Variants in ARHGAP8 observed in about 807,000 individuals in gnomAD.
The protein encoded by ARHGAP8 is Rho GTPase activating protein 8.
ARHGAP8 carries 62 observed loss-of-function variants against 46.1 expected under a neutral mutation model. The ratio of observed to expected loss-of-function variants is 1.34; its 90% confidence interval spans 1.10 to 1.66. The LOEUF is 1.66. ARHGAP8 is among the 40% of genes most tolerant of loss of function. The pLI, the probability that ARHGAP8 is intolerant of heterozygous loss-of-function variation, is 0.00. For synonymous variants in ARHGAP8, 375 were observed against 243.1 expected (o/e 1.54, Z -5.05); for missense variants, 923 against 568.4 (o/e 1.62, Z -6.34).
chr22:44,827,351 T>TTTTG (rs1930608359), intron 7 of ARHGAP8, among the ~76,000 whole-genome samples: 2 of 130,022 alleles, frequency 1.5e-5, no homozygotes, highest in South Asian at 5.5e-4. Context: ...TTTTTTTTTT[T>TTTTG]TTTTTTTTTT....
chr22:44,801,901 C>A, intron 2 of ARHGAP8, 176 bp from the exon 3 acceptor site: 1 of 633,312 alleles, frequency 1.6e-6, no homozygotes, highest in South Asian at 1.9e-5. Flanking sequence ...ACTTGGACCA[C>A]GTGCATAAAG....
At chr22:44,853,304 C>T (rs1374780816) in intron 10 of ARHGAP8, among the ~76,000 whole-genome samples, 1 of 152,188 alleles carries the variant, frequency 6.6e-6, no homozygotes, top group South Asian at 2.1e-4. Context: ...AAGGACTATC[C>T]GTACATCATC....
rs16992877 is a variant in ARHGAP8 at position 44,803,044 on chromosome 22, G to C, written c.167+880G>C. Among the ~76,000 whole-genome samples the C allele has an allele frequency of 2.0e-5, 3 of 152,144 alleles. No homozygotes were observed. The South Asian group carries it at 6.2e-4, about 32-fold the overall frequency. ...CTGGCTCAGCAGGCATCTATTGAGC[G>C]CCTACTGTATGTGAGACTTTGGATA... On this transcript the variant is annotated intron_variant, in intron 3 of 11. Transcript: ENST00000356099.
intron 1 of ARHGAP8, among the ~76,000 whole-genome samples, chr22:44,755,148 G>A (rs1241052265): frequency 6.6e-6 from 1 of 152,234 alleles, no homozygotes; most frequent in African/African-American, 2.4e-5. Flanking sequence ...TCACAGATGA[G>A]GAAACAGACA....
intron 1 of ARHGAP8, among the ~76,000 whole-genome samples, chr22:44,767,444 G>T (rs538140044): frequency 6.6e-6 from 1 of 151,922 alleles, no homozygotes; most frequent in African/African-American, 2.4e-5. Flanking sequence ...ATATTCTCCC[G>T]TATAGCCTGA....
intron 4 of ARHGAP8, chr22:44,809,902 G>T (rs1045091223): frequency 1.3e-5 from 2 of 152,272 alleles, no homozygotes; most frequent in African/African-American, 4.8e-5. Flanking sequence ...TTTGGGTCCT[G>T]CTGTCATTAT....
intron 2 of ARHGAP8, among the ~76,000 whole-genome samples, chr22:44,797,235 T>A (rs1248319534): frequency 2.7e-5 from 4 of 150,898 alleles, no homozygotes; most frequent in Admixed American, 6.6e-5. Flanking sequence ...TTTTTTTTTT[T>A]AATCCTGATG....
chr22:44,797,178 T>C (rs1245374427), intron 2 of ARHGAP8, among the ~76,000 whole-genome samples: 1 of 151,604 alleles, frequency 6.6e-6, no homozygotes, highest in African/African-American at 2.4e-5. Flanking sequence ...CCCCAAGACT[T>C]GCACTTGGTC....
At chr22:44,813,666 C>CACCTACACACCCCTAGGTAT (rs1929521850) in intron 4 of ARHGAP8, among the ~76,000 whole-genome samples, 1 of 150,824 alleles carries the variant, frequency 6.6e-6, no homozygotes, top group Non-Finnish European at 1.5e-5. Context: ...CACCTAAATA[C>CACCTACACACCCCTAGGTAT]ACCTACACAC....
At chr22:44,837,536 C>T (rs895168327) in intron 7 of ARHGAP8, among the ~76,000 whole-genome samples, 2 of 152,180 alleles carry the variant, frequency 1.3e-5, no homozygotes, top group African/African-American at 2.4e-5. Flanking sequence ...TTGAGATGCA[C>T]GAGATGAACG....
chr22:44,846,482 C>T (rs969387679), intron 8 of ARHGAP8, among the ~76,000 whole-genome samples: 1 of 152,196 alleles, frequency 6.6e-6, no homozygotes, highest in Admixed American at 6.5e-5. Context: ...AGACCATCTC[C>T]CTCAAACCCC....
chr22:44,842,987 C>T (rs1370354258), intron 7 of ARHGAP8, among the ~76,000 whole-genome samples: 1 of 152,154 alleles, frequency 6.6e-6, no homozygotes, highest in South Asian at 2.1e-4. Flanking sequence ...TCATTTTCAT[C>T]TTGGTGAAGG....
intron 11 of ARHGAP8, among the ~76,000 whole-genome samples, chr22:44,861,116 T>G (rs994371258): frequency 6.6e-6 from 1 of 152,084 alleles, no homozygotes; most frequent in Admixed American, 6.6e-5. Flanking sequence ...GGATTACAGG[T>G]GAGAACCACC....
At chr22:44,832,219 G>T (rs1379636013) in intron 7 of ARHGAP8, among the ~76,000 whole-genome samples, 4 of 128,600 alleles carry the variant, frequency 3.1e-5, no homozygotes, top group African/African-American at 1.2e-4. Flanking sequence ...TATTGTCAAT[G>T]TAATTTTTTT....
At chr22:44,780,177 A>G (rs915877581) in intron 1 of ARHGAP8, among the ~76,000 whole-genome samples, 5 of 152,172 alleles carry the variant, frequency 3.3e-5, no homozygotes, top group South Asian at 2.1e-4. Flanking sequence ...ATGTGGCTCA[A>G]AAAAAATCTA....
At chr22:44,802,806 C>T (rs1021521962) in intron 3 of ARHGAP8, among the ~76,000 whole-genome samples, 3 of 152,156 alleles carry the variant, frequency 2.0e-5, no homozygotes, top group Non-Finnish European at 4.4e-5. Context: ...GCCTTTTTGC[C>T]TCTGTGTCTT....
intron 1 of ARHGAP8, among the ~76,000 whole-genome samples, chr22:44,753,406 A>G (rs1924406064): frequency 6.6e-6 from 1 of 152,050 alleles, no homozygotes; most frequent in African/African-American, 2.4e-5. Context: ...TTTTTAGTAC[A>G]GACAGGGTTT....
intron 10 of ARHGAP8, 173 bp downstream of exon 10, chr22:44,849,233 T>C: frequency 5.6e-6 from 7 of 1,250,688 alleles, no homozygotes; most frequent in Non-Finnish European, 7.7e-6. Context: ...GCCCCCACCA[T>C]GCACAGCCAG....
rs140480202 is a variant in ARHGAP8 at position 44,859,899 on chromosome 22, A to AT, written c.981+66dup. On this transcript the variant is annotated intron_variant, in intron 11 of 11. Transcript: ENST00000356099. ...GCCTTCCCTCCCATGCTGGGCCCGC[A>AT]TGGACCAGTCCCCTCCTTGCCCTGG... The AT allele has an allele frequency of 3.0e-3, 4,656 of 1,563,782 alleles. 123 individuals are homozygous for AT. The African/African-American group carries it at 0.055, about 19-fold the overall frequency.
Sources: allele counts gnomAD v4.1 joint callset (sites outside exome capture counted in the v4.1 genomes callset), GRCh38; gene constraint gnomAD v4.1.1; transcripts MANE v1.5; gene names NCBI Gene and HGNC (gene_info 2026-07-23, HGNC 2026-07-21).